Variants in ZC3H12B observed in about 807,000 individuals in gnomAD.
ZC3H12B encodes the protein probable ribonuclease ZC3H12B.
In ZC3H12B, 7 loss-of-function variants were observed where a neutral mutation model predicts 43.9. That is an observed-to-expected ratio of 0.16 (90% CI 0.09 to 0.30). The LOEUF (loss-of-function observed/expected upper bound fraction) is 0.30, where lower values mean the gene tolerates loss of function less well. Among genes scored for constraint, ZC3H12B ranks in the 10% least tolerant of loss-of-function variants. The pLI is 1.00. For synonymous variants in ZC3H12B, 222 were observed against 241.7 expected (o/e 0.92, Z 0.76); for missense variants, 475 against 670.2 (o/e 0.71, Z 3.22).
intron 3 of ZC3H12B, among the ~76,000 whole-genome samples, chrX:65,445,246 C>T (rs2067360172): frequency 8.9e-6 from 1 of 111,945 alleles, no homozygotes; most frequent in Non-Finnish European, 1.9e-5. Context: ...GTCATGTTTC[C>T]TGGATTGTCT....
At chrX:65,080,201 AC>A in the ZC3H12B span, among the ~76,000 whole-genome samples, 132 of 107,482 alleles carry the variant, frequency 1.2e-3, 1 homozygote, top group Middle Eastern at 4.8e-3. Flanking sequence ...AAAAAAAAAA[AC>A]AATGAAGCAC....
chrX:65,115,583 G>C, the ZC3H12B span, among the ~76,000 whole-genome samples: 2 of 111,538 alleles, frequency 1.8e-5, no homozygotes, highest in East Asian at 2.8e-4. Flanking sequence ...TAGTGGGATT[G>C]CTGAATCAAA....
the ZC3H12B span, among the ~76,000 whole-genome samples, chrX:65,171,384 C>G: frequency 2.7e-5 from 3 of 110,785 alleles, no homozygotes; most frequent in African/African-American, 9.9e-5. Flanking sequence ...AATAGTGCTG[C>G]CTGATCCTTC....
the ZC3H12B span, among the ~76,000 whole-genome samples, chrX:65,085,397 G>A: frequency 3.6e-5 from 4 of 110,737 alleles, no homozygotes; most frequent in Admixed American, 2.9e-4. Flanking sequence ...TACCTACTAT[G>A]TACTCACAAA....
the ZC3H12B span, among the ~76,000 whole-genome samples, chrX:65,260,257 CA>C: frequency 2.7e-5 from 3 of 109,143 alleles, no homozygotes; most frequent in Non-Finnish European, 3.8e-5. Flanking sequence ...TCATTTACAC[CA>C]AGAATGTGCA....
At chrX:65,177,023 T>A in the ZC3H12B span, among the ~76,000 whole-genome samples, 1 of 112,121 alleles carries the variant, frequency 8.9e-6, no homozygotes, top group Non-Finnish European at 1.9e-5. Context: ...GTTGTGAAGA[T>A]CCTCAATAAA....
At chrX:65,055,437 C>G in the ZC3H12B span, among the ~76,000 whole-genome samples, 1 of 111,572 alleles carries the variant, frequency 9.0e-6, no homozygotes, top group Non-Finnish European at 1.9e-5. Context: ...GGATGAAGCC[C>G]ACTTGATCAT....
At chrX:65,325,267 G>A in the ZC3H12B span, among the ~76,000 whole-genome samples, 1 of 111,118 alleles carries the variant, frequency 9.0e-6, no homozygotes, top group Non-Finnish European at 1.9e-5. Context: ...TAAGGCTAGA[G>A]AGGAGATAAA....
the ZC3H12B span, among the ~76,000 whole-genome samples, chrX:65,059,371 C>T: frequency 1.1e-4 from 12 of 111,657 alleles, no homozygotes; most frequent in Admixed American, 1.0e-3. Flanking sequence ...AGATTTAAGT[C>T]TTTCATCAAT....
At chrX:65,328,870 A>T in the ZC3H12B span, among the ~76,000 whole-genome samples, 18 of 109,274 alleles carry the variant, frequency 1.6e-4, no homozygotes, top group South Asian at 5.7e-3. Context: ...CCTACAAAGG[A>T]CAGGATTTCA....
chrX:65,249,025 T>C, the ZC3H12B span, among the ~76,000 whole-genome samples: 2 of 111,753 alleles, frequency 1.8e-5, no homozygotes, highest in African/African-American at 6.5e-5. Context: ...ACTCACTCTG[T>C]GGGTTTTCTG....
At chrX:65,325,779 G>A in the ZC3H12B span, among the ~76,000 whole-genome samples, 4 of 110,803 alleles carry the variant, frequency 3.6e-5, no homozygotes, top group Non-Finnish European at 5.7e-5. Context: ...CAAAAGAATC[G>A]AACTGATTTC....
the ZC3H12B span, among the ~76,000 whole-genome samples, chrX:65,242,228 G>C: frequency 9.0e-6 from 1 of 111,025 alleles, no homozygotes; most frequent in Non-Finnish European, 1.9e-5. Context: ...GGATATTTCA[G>C]TCGAAAGTGC....
the ZC3H12B span, among the ~76,000 whole-genome samples, chrX:65,091,882 G>T: frequency 8.9e-6 from 1 of 112,222 alleles, no homozygotes; most frequent in Non-Finnish European, 1.9e-5. Flanking sequence ...ATAAAACAGG[G>T]TGATATGGTT....
At chrX:65,334,593 T>C in the ZC3H12B span, among the ~76,000 whole-genome samples, 1 of 112,080 alleles carries the variant, frequency 8.9e-6, no homozygotes, top group African/African-American at 3.2e-5. Context: ...CCTTTATATA[T>C]AAACATCACA....
At chrX:65,082,269 G>T in the ZC3H12B span, among the ~76,000 whole-genome samples, 1 of 111,150 alleles carries the variant, frequency 9.0e-6, no homozygotes, top group Non-Finnish European at 1.9e-5. Context: ...TGATAATAAA[G>T]ATCAGAGTAG....
chrX:65,042,073 C>T, the ZC3H12B span, among the ~76,000 whole-genome samples: 1 of 112,273 alleles, frequency 8.9e-6, no homozygotes, highest in African/African-American at 3.2e-5. Context: ...TAGTTCTTTG[C>T]TTCATGCCTA....
At chrX:65,453,698 G>C (rs868342508) in intron 3 of ZC3H12B, among the ~76,000 whole-genome samples, 1 of 108,755 alleles carries the variant, frequency 9.2e-6, no homozygotes, top group Non-Finnish European at 1.9e-5. Context: ...CTCGAGCCTC[G>C]AGCCTAGGTG....
chrX:65,157,654 T>G, the ZC3H12B span, among the ~76,000 whole-genome samples: 3 of 111,753 alleles, frequency 2.7e-5, no homozygotes, highest in Non-Finnish European at 1.9e-5. Context: ...GAACAAACTG[T>G]CTTTTACCTG....
Sources: allele counts gnomAD v4.1 joint callset (sites outside exome capture counted in the v4.1 genomes callset), GRCh38; gene constraint gnomAD v4.1.1; transcripts MANE v1.5; gene names NCBI Gene and HGNC (gene_info 2026-07-23, HGNC 2026-07-21).